HNF4G: variants seen among roughly 807,000 people sequenced by gnomAD.
HNF4G encodes the protein hepatocyte nuclear factor 4-gamma.
A neutral mutation model predicts 50.9 loss-of-function variants in HNF4G; 21 were observed. That is an observed-to-expected ratio of 0.41 (90% CI 0.29 to 0.59). The LOEUF (loss-of-function observed/expected upper bound fraction) is 0.59. HNF4G is among the 20% of genes least tolerant of loss of function. HNF4G has a pLI of 0.26. For missense variants in HNF4G, 527 were observed against 559.4 expected, an observed-to-expected ratio of 0.94 and a Z score of 0.58; for synonymous variants, 198 against 185.6, an observed-to-expected ratio of 1.07 and a Z score of -0.54.
intron 1 of HNF4G, among the ~76,000 whole-genome samples, chr8:75,452,635 C>T (rs1359773566): frequency 6.9e-6 from 1 of 145,856 alleles, no homozygotes; most frequent in African/African-American, 2.6e-5. Flanking sequence ...AGGGAAATGG[C>T]GTGAACCCGG....
intron 1 of HNF4G, among the ~76,000 whole-genome samples, chr8:75,449,697 C>T (rs960696014): frequency 7.3e-5 from 11 of 151,506 alleles, no homozygotes; most frequent in East Asian, 5.8e-4. Context: ...TTAGTAGAGA[C>T]GGGGTTTCAC....
At chr8:75,536,246 A>G (rs1173582352), upstream of HNF4G, among the ~76,000 whole-genome samples, 1 of 151,996 alleles carries the variant, frequency 6.6e-6, no homozygotes, top group African/African-American at 2.4e-5. Flanking sequence ...AAATTTATAT[A>G]TCTTTAGAAA....
chr8:75,417,751 C>T (rs952925621), intron 1 of HNF4G, among the ~76,000 whole-genome samples: 10 of 152,024 alleles, frequency 6.6e-5, no homozygotes, highest in African/African-American at 1.7e-4. Flanking sequence ...ATAAACAATA[C>T]GGCAGATTGA....
At chr8:75,485,148 T>C (rs2130667128) in intron 1 of HNF4G, among the ~76,000 whole-genome samples, 1 of 152,348 alleles carries the variant, frequency 6.6e-6, no homozygotes, top group South Asian at 2.1e-4. Context: ...GAAGAAAATA[T>C]ATAAAAATGG....
intron 1 of HNF4G, among the ~76,000 whole-genome samples, chr8:75,429,713 G>A (rs1396219761): frequency 2.6e-5 from 4 of 152,088 alleles, no homozygotes; most frequent in South Asian, 2.1e-4. Context: ...CAGAAAGGCC[G>A]ATCAGGTCCA....
chr8:75,550,574 C>T (rs1276198922), intron 3 of HNF4G, among the ~76,000 whole-genome samples: 2 of 152,102 alleles, frequency 1.3e-5, no homozygotes, highest in African/African-American at 4.8e-5. Flanking sequence ...GGATTACAGA[C>T]TTGAACCACA....
chr8:75,483,670 G>A (rs1186798865), intron 1 of HNF4G, among the ~76,000 whole-genome samples: 2 of 152,016 alleles, frequency 1.3e-5, no homozygotes, highest in African/African-American at 4.8e-5. Context: ...ATTTAATGCT[G>A]GACTTAGGTA....
intron 1 of HNF4G, among the ~76,000 whole-genome samples, chr8:75,466,980 T>G (rs1315137011): frequency 6.6e-6 from 1 of 152,168 alleles, no homozygotes; most frequent in Non-Finnish European, 1.5e-5. Context: ...CCACTGCACC[T>G]GGCCTGACCA....
At chr8:75,441,982 A>G (rs550337111) in intron 1 of HNF4G, among the ~76,000 whole-genome samples, 2 of 152,364 alleles carry the variant, frequency 1.3e-5, no homozygotes, top group South Asian at 4.1e-4. Flanking sequence ...GAGAAAATAA[A>G]TAAAGCATTC....
chr8:75,510,675 G>A (rs192063171), intron 2 of HNF4G, among the ~76,000 whole-genome samples: 1 of 152,210 alleles, frequency 6.6e-6, no homozygotes, highest in Non-Finnish European at 1.5e-5. Flanking sequence ...ATAGACTATA[G>A]CATATAGCCT....
intron 1 of HNF4G, among the ~76,000 whole-genome samples, chr8:75,542,639 T>C (rs1038098483): frequency 2.0e-5 from 3 of 149,102 alleles, no homozygotes; most frequent in Non-Finnish European, 4.4e-5. Flanking sequence ...TTTACGGGGG[T>C]TTGACATGCA....
intron 1 of HNF4G, among the ~76,000 whole-genome samples, chr8:75,433,769 A>G (rs1003906641): frequency 3.3e-5 from 5 of 152,150 alleles, no homozygotes; most frequent in Admixed American, 2.0e-4. Context: ...ATTTGCATAC[A>G]TTTTAATATA....
intron 2 of HNF4G, among the ~76,000 whole-genome samples, chr8:75,533,927 T>A (rs748052757): frequency 7.9e-5 from 12 of 151,940 alleles, no homozygotes; most frequent in Non-Finnish European, 1.5e-5. Context: ...TATTTATTTA[T>A]CTGGTTTCCA....
intron 1 of HNF4G, among the ~76,000 whole-genome samples, chr8:75,445,687 G>A (rs1811408175): frequency 1.5e-5 from 2 of 131,100 alleles, no homozygotes; most frequent in South Asian, 2.5e-4. Flanking sequence ...GAGAAGAAAT[G>A]GATACATTCC....
chr8:75,517,441 T>C (rs536669399), intron 2 of HNF4G, among the ~76,000 whole-genome samples: 2 of 152,184 alleles, frequency 1.3e-5, no homozygotes, highest in East Asian at 3.9e-4. Context: ...CAAAAACAAA[T>C]TAGTTACTTC....
At chr8:75,547,731 C>T (rs367861409) in intron 3 of HNF4G, 50 bp downstream of exon 3, 11 of 1,061,066 alleles carry the variant, frequency 1.0e-5, no homozygotes, top group Non-Finnish European at 1.5e-5. Flanking sequence ...AAGTGATAAA[C>T]ATACACACAC....
At chr8:75,442,034 C>T (rs1246299556) in intron 1 of HNF4G, among the ~76,000 whole-genome samples, 1 of 151,920 alleles carries the variant, frequency 6.6e-6, no homozygotes, top group Non-Finnish European at 1.5e-5. Context: ...ACACAATGTT[C>T]GGGAAAAAAA....
intron 1 of HNF4G, among the ~76,000 whole-genome samples, chr8:75,458,617 G>T (rs893059951): frequency 2.6e-5 from 4 of 152,032 alleles, no homozygotes; most frequent in African/African-American, 9.7e-5. Flanking sequence ...GGCAGGAATT[G>T]TATCTCCTTA....
At chr8:75,458,647 G>A (rs1157399323) in intron 1 of HNF4G, among the ~76,000 whole-genome samples, 1 of 152,108 alleles carries the variant, frequency 6.6e-6, no homozygotes, top group East Asian at 1.9e-4. Flanking sequence ...TTTCCTAAAT[G>A]CCTGGTACAT....
Sources: gnomAD v4.1 joint callset for allele counts (sites outside exome capture counted in the v4.1 genomes callset) on GRCh38, gnomAD v4.1.1 for gene constraint, MANE v1.5 for transcripts, NCBI Gene and HGNC (gene_info 2026-07-23, HGNC 2026-07-21) for gene names.